Variants in ASH1L observed in about 807,000 individuals in gnomAD.
ASH1L encodes ASH1 like histone lysine methyltransferase.
In ASH1L, 23 loss-of-function variants were observed where a neutral mutation model predicts 269.0. The observed-to-expected ratio is 0.09, with a 90% CI of 0.06 to 0.12. The LOEUF (loss-of-function observed/expected upper bound fraction) is 0.12, where lower values mean the gene tolerates loss of function less well. ASH1L is among the 10% of genes least tolerant of loss of function. The probability of loss-of-function intolerance (pLI) is 1.00; values close to 1 mark genes in which losing one functional copy is unlikely to be tolerated. For synonymous variants in ASH1L, 1,187 were observed against 1,253.5 expected (o/e 0.95, Z 1.12); for missense variants, 2,912 against 3,567.8 (o/e 0.82, Z 4.68).
At chr1:155,450,716 G>A (rs977753620) in intron 4 of ASH1L, among the ~76,000 whole-genome samples, 3 of 152,206 alleles carry the variant, frequency 2.0e-5, no homozygotes, top group Admixed American at 6.5e-5. Flanking sequence ...AGAAAGAACT[G>A]AAAGCAGGGT....
At chr1:155,434,397 G>T in intron 5 of ASH1L, 3 of 1,292,966 alleles carry the variant, frequency 2.3e-6, no homozygotes, top group Non-Finnish European at 3.2e-6. Flanking sequence ...AAAGGGTGGG[G>T]GCAGGGGAGT....
intron 6 of ASH1L, among the ~76,000 whole-genome samples, chr1:155,407,666 T>A (rs1659408925): frequency 6.6e-6 from 1 of 152,120 alleles, no homozygotes; most frequent in Non-Finnish European, 1.5e-5. Flanking sequence ...ACAACCCAAA[T>A]GTTCATTAAC....
At chr1:155,424,782 A>G (rs578260962) in intron 5 of ASH1L, among the ~76,000 whole-genome samples, 3 of 152,056 alleles carry the variant, frequency 2.0e-5, no homozygotes, top group Non-Finnish European at 4.4e-5. Context: ...CGTCATGTAT[A>G]GTTTGTGTTT....
At chr1:155,500,965 C>G (rs562547763) in intron 2 of ASH1L, among the ~76,000 whole-genome samples, 1 of 151,756 alleles carries the variant, frequency 6.6e-6, no homozygotes, top group East Asian at 1.9e-4. Context: ...GAGACTCTGT[C>G]TCTAAATAAA....
At chr1:155,463,800 A>G (rs563127522) in intron 3 of ASH1L, among the ~76,000 whole-genome samples, 1 of 152,148 alleles carries the variant, frequency 6.6e-6, no homozygotes, top group African/African-American at 2.4e-5. Context: ...CCTTAATAAT[A>G]ATAATAATAA....
chr1:155,490,072 C>T (rs1452152445), intron 2 of ASH1L, among the ~76,000 whole-genome samples: 1 of 151,388 alleles, frequency 6.6e-6, no homozygotes, highest in Non-Finnish European at 1.5e-5. Context: ...AGGTTCACAC[C>T]ACTCTCCTGC....
chr1:155,354,650 A>G lies in ASH1L; in HGVS notation c.7056-20T>C, dbSNP rs764572402. 1.0e-5 allele frequency: 16 copies of G among 1,602,150 alleles called. No homozygotes were observed. The East Asian group carries it at 3.6e-4, about 36-fold the overall frequency. ...AAGTTCCTGCAAGGAAGGAAAAAAA[A>G]TCTTCCTTTATTCATTAATTAAATA... On this transcript the variant is annotated intron_variant, in intron 15 of 27. Coordinates refer to ENST00000392403, the MANE Select transcript of ASH1L (RefSeq NM_018489.3).
rs76953406 is a variant in ASH1L, at chr1:155,379,099, GA to G, written c.6178-552del. Among the ~76,000 whole-genome samples, 983 of 135,644 alleles carry G rather than the reference GA, an allele frequency of 7.2e-3. 10 individuals are homozygous for G. The highest frequency in any genetic ancestry group is 0.025 in the African/African-American group (914 of 37,182). 89.0% of individuals were successfully genotyped at this position (135,644 alleles called of 152,430 possible). A position where few individuals can be genotyped will look rare whatever the true frequency, so the allele number is the denominator to read the frequency against. On this transcript the variant is annotated intron_variant, in intron 8 of 27. Transcript: ENST00000392403. ...ATTATAATCAAGAAGATATTAGAAA[GA>G]AAAAAAAAAAGAATGCATTAGAAGA...
chr1:155,407,410 C>A (rs1407977503), intron 6 of ASH1L, among the ~76,000 whole-genome samples: 1 of 151,986 alleles, frequency 6.6e-6, no homozygotes, highest in Non-Finnish European at 1.5e-5. Context: ...ACTATTTAAC[C>A]CAGTAATTCA....
intron 7 of ASH1L, among the ~76,000 whole-genome samples, chr1:155,389,625 A>G (rs1657746961): frequency 6.6e-6 from 1 of 152,034 alleles, no homozygotes; most frequent in Non-Finnish European, 1.5e-5. Context: ...GAGAGCCAAG[A>G]TCACGCCACT....
At chr1:155,509,824 T>G (rs893459694) in intron 2 of ASH1L, among the ~76,000 whole-genome samples, 9 of 151,980 alleles carry the variant, frequency 5.9e-5, no homozygotes, top group African/African-American at 1.9e-4. Flanking sequence ...TAATAATAAG[T>G]GTTGGGACAA....
At chr1:155,514,128 C>T (rs772472759) in intron 2 of ASH1L, among the ~76,000 whole-genome samples, 5 of 152,068 alleles carry the variant, frequency 3.3e-5, no homozygotes, top group Non-Finnish European at 5.9e-5. Flanking sequence ...ATAGTGGTTT[C>T]GCTAGGGGCT....
chr1:155,404,832 G>A (rs1018493021), intron 6 of ASH1L, among the ~76,000 whole-genome samples: 3 of 151,734 alleles, frequency 2.0e-5, no homozygotes, highest in East Asian at 2.0e-4. Context: ...GATCGAGACC[G>A]TCCTGGCCAA....
intron 2 of ASH1L, among the ~76,000 whole-genome samples, chr1:155,500,720 G>C (rs909989058): frequency 3.3e-5 from 5 of 152,166 alleles, no homozygotes; most frequent in African/African-American, 1.2e-4. Flanking sequence ...TGTAATCCCA[G>C]AATTTTGGGA....
Position 155,478,196 on chromosome 1 carries a change from G to A in ASH1L, c.4674C>T (p.His1558=), listed in dbSNP as rs747507992. ...ATGGACTAGATTCTGAAGGCTCTCG[G>A]TGGACCCACTGTTCCTCTCTGTTTA... ...SLINREEQWV[H]REPSESSPLA... Residue 1558 remains histidine, a synonymous_variant, in exon 3 of 28, where the codon CAC becomes CAT. Transcript: ENST00000392403. The surrounding 1 kb of genome is among the most constrained non-coding windows in gnomAD (Gnocchi z 4.6). The A allele has an allele frequency of 3.3e-5, 53 of 1,614,038 alleles. No homozygotes were observed. Among genetic ancestry groups the A allele is most frequent in the Non-Finnish European group, 4.4e-5 (52 of 1,180,042 alleles).
At chr1:155,534,416 A>G (rs1299766861) in intron 1 of ASH1L, among the ~76,000 whole-genome samples, 1 of 151,076 alleles carries the variant, frequency 6.6e-6, no homozygotes, top group Non-Finnish European at 1.5e-5. Context: ...GATATTTGTC[A>G]ATATAATGTG....
At chr1:155,444,170 T>C (rs906624441) in intron 4 of ASH1L, among the ~76,000 whole-genome samples, 7 of 151,910 alleles carry the variant, frequency 4.6e-5, no homozygotes, top group South Asian at 4.2e-4. Context: ...TTAGTAGAGA[T>C]AGAATTTCAC....
intron 3 of ASH1L, among the ~76,000 whole-genome samples, chr1:155,461,223 A>T (rs1394284571): frequency 6.6e-6 from 1 of 152,226 alleles, no homozygotes; most frequent in Non-Finnish European, 1.5e-5. Flanking sequence ...AATGGAGCTA[A>T]GTTGCTGTTT....
rs866019434 is a variant in ASH1L at position 155,423,016 on chromosome 1, C to T, written c.5829-7093G>A. Among the ~76,000 whole-genome samples the T allele has an allele frequency of 3.3e-5, 5 of 150,056 alleles. No homozygotes were observed. In the South Asian group the frequency reaches 1.1e-3, roughly 32 times the overall value. On this transcript the variant is annotated intron_variant, in intron 5 of 27. Transcript: ENST00000392403. Reference sequence around the variant, plus strand: ...AGGCTGGAGTGCAGTGGTGCGATCTCGGCTCTCTGTAAGCTCTGCCTCCCA... The same window carrying T: ...AGGCTGGAGTGCAGTGGTGCGATCTTGGCTCTCTGTAAGCTCTGCCTCCCA...
Sources: allele counts gnomAD v4.1 joint callset (sites outside exome capture counted in the v4.1 genomes callset), GRCh38; gene constraint gnomAD v4.1.1; non-coding constraint Gnocchi (gnomAD v3.1); transcripts MANE v1.5; gene names NCBI Gene and HGNC (gene_info 2026-07-23, HGNC 2026-07-21).